The following CELF2 variants were observed in gnomAD, a reference collection of about 807,000 sequenced individuals.
The protein encoded by CELF2 is CUGBP Elav-like family member 2, also known as CUG triplet repeat RNA-binding protein 2.
CELF2 carries 8 observed loss-of-function variants against 62.6 expected under a neutral mutation model. The observed-to-expected ratio is 0.13, with a 90% CI of 0.07 to 0.23. The LOEUF is 0.23. Among genes scored for constraint, CELF2 ranks in the 10% least tolerant of loss-of-function variants. CELF2 has a pLI of 1.00. For synonymous variants in CELF2, 258 were observed against 250.0 expected, an observed-to-expected ratio of 1.03 and a Z score of -0.30; for missense variants, 333 against 671.0, an observed-to-expected ratio of 0.50 and a Z score of 5.56.
intron 1 of CELF2, among the ~76,000 whole-genome samples, chr10:10,866,590 GC>G (rs1487209353): frequency 8.5e-6 from 1 of 117,812 alleles, no homozygotes; most frequent in Non-Finnish European, 1.6e-5. Flanking sequence ...GGGTGACAGA[GC>G]AAGACTCCAT....
At chr10:10,935,466 ATAAC>A (rs1240759981) in intron 2 of CELF2, 1 of 152,234 alleles carries the variant, frequency 6.6e-6, no homozygotes, top group Non-Finnish European at 1.5e-5. Flanking sequence ...AAACTTAGGC[ATAAC>A]AGGTAAGGGA....
Position 11,165,540 on chromosome 10 carries a change from C to T in CELF2, c.129C>T (p.Asp43=), listed in dbSNP as rs760212523. The T allele has an allele frequency of 2.3e-5, 37 of 1,614,094 alleles. No homozygotes were observed. Among genetic ancestry groups the T allele is most frequent in the Non-Finnish European group, 3.1e-5 (36 of 1,180,054 alleles). The change falls in exon 2 of 13, where the codon GAC becomes GAT. Residue 43 remains aspartate, a synonymous_variant. Transcript: ENST00000633077. The surrounding 1 kb of genome is among the most constrained non-coding windows in gnomAD (Gnocchi z 7.4). ...CTTTGGATCACTCAGACCAACCAGA[C>T]CCAGATGCCATTAAGATGTTTGTCG... ...NGALDHSDQP[D]PDAIKMFVGQ...
chr10:11,207,417 C>T lies in CELF2; in HGVS notation c.272-10008C>T, dbSNP rs1340438623. Among the ~76,000 whole-genome samples the T allele has an allele frequency of 1.3e-5, 2 of 152,128 alleles. No homozygotes were observed. Among genetic ancestry groups the T allele is most frequent in the African/African-American group, 2.4e-5 (1 of 41,414 alleles). On this transcript the variant is annotated intron_variant, in intron 2 of 12. Coordinates refer to ENST00000633077, the MANE Select transcript of CELF2 (RefSeq NM_001326342.2). The surrounding 1 kb of genome is among the most constrained non-coding windows in gnomAD (Gnocchi z 4.1). ...CCAGTTGACAGAAAGTTGGTCCTAG[C>T]GTGTCAAATGGAGAGTTGGAGGGAA...
chr10:10,907,325 T>C (rs137944587), intron 1 of CELF2, among the ~76,000 whole-genome samples: 1 of 152,242 alleles, frequency 6.6e-6, no homozygotes. Flanking sequence ...AAATGAAAAT[T>C]GTTCCAGAAG....
At chr10:10,636,663 A>C in the CELF2 span, among the ~76,000 whole-genome samples, 1 of 152,186 alleles carries the variant, frequency 6.6e-6, no homozygotes, top group African/African-American at 2.4e-5. Context: ...GATGCCCAAT[A>C]GTCAGTTTCT....
At chr10:10,537,192 TG>T in the CELF2 span, among the ~76,000 whole-genome samples, 4 of 152,060 alleles carry the variant, frequency 2.6e-5, no homozygotes, top group Non-Finnish European at 5.9e-5. Flanking sequence ...TTAAGAGACT[TG>T]AGACTTAGCT....
the CELF2 span, among the ~76,000 whole-genome samples, chr10:10,471,913 T>C: frequency 2.0e-5 from 3 of 151,860 alleles, no homozygotes; most frequent in African/African-American, 7.2e-5. Flanking sequence ...AGCCATTTGC[T>C]TTGTCATTCC....
intron 1 of CELF2, among the ~76,000 whole-genome samples, chr10:11,136,532 A>G (rs2060462385): frequency 6.6e-6 from 1 of 152,184 alleles, no homozygotes. Flanking sequence ...TTAACCTGGG[A>G]GGCGGAGGTT....
the CELF2 span, among the ~76,000 whole-genome samples, chr10:10,477,510 G>T: frequency 6.6e-6 from 1 of 152,130 alleles, no homozygotes; most frequent in Non-Finnish European, 1.5e-5. Context: ...GAATTTTGAA[G>T]CTAACCCCCT....
chr10:10,697,945 A>G, the CELF2 span, among the ~76,000 whole-genome samples: 1 of 152,136 alleles, frequency 6.6e-6, no homozygotes, highest in Non-Finnish European at 1.5e-5. Flanking sequence ...GGCATGTGCC[A>G]CTACTCCCAG....
upstream of CELF2, chr10:10,798,583 G>A (rs1349012155): frequency 1.0e-5 from 4 of 393,606 alleles, no homozygotes; most frequent in Non-Finnish European, 1.8e-5. Flanking sequence ...GGTGTGGGAC[G>A]GAGGAGAGCG....
the CELF2 span, among the ~76,000 whole-genome samples, chr10:10,506,928 G>T: frequency 2.0e-5 from 3 of 151,978 alleles, no homozygotes; most frequent in Non-Finnish European, 2.9e-5. Context: ...GCCTCCCAAA[G>T]TGCTGAGATT....
intron 1 of CELF2, among the ~76,000 whole-genome samples, chr10:10,888,661 G>A (rs1471702626): frequency 1.3e-5 from 2 of 152,140 alleles, no homozygotes; most frequent in African/African-American, 4.8e-5. Flanking sequence ...CCAGGCTTGA[G>A]CAGTGTTTTC....
At chr10:10,621,369 A>G in the CELF2 span, among the ~76,000 whole-genome samples, 1 of 152,102 alleles carries the variant, frequency 6.6e-6, no homozygotes, top group African/African-American at 2.4e-5. Flanking sequence ...TAGTTTGTTC[A>G]TGAAGCTTTT....
At chr10:11,288,614 G>C in intron 9 of CELF2, 62 bp downstream of exon 9, 1 of 1,575,910 alleles carries the variant, frequency 6.3e-7, no homozygotes, top group Non-Finnish European at 8.6e-7. Flanking sequence ...GTAGGTTTCC[G>C]TGCCTCCAGG....
At chr10:11,099,857 GTTTCTACA>G (rs2050947149) in intron 1 of CELF2, among the ~76,000 whole-genome samples, 1 of 137,654 alleles carries the variant, frequency 7.3e-6, no homozygotes, top group South Asian at 2.4e-4. Context: ...GAAACTCCTT[GTTTCTACA>G]TTAAAACAAC....
At position 10,990,768 on chromosome 10, in the gene CELF2, C is replaced by T. The variant is rs1475127393; in HGVS notation, c.89+70769C>T. 6.6e-6 allele frequency among the ~76,000 whole-genome samples: 1 copy of T among 152,086 alleles called. No individual in the cohort carries two copies. The highest frequency in any genetic ancestry group is 1.5e-5 in the Non-Finnish European group (1 of 68,016). Reference sequence around the variant, plus strand: ...CCTGAGATAGCCAGGAAAGAGGATTCAATAAGATGCTCAGAAATGTACCAA... The same window carrying T: ...CCTGAGATAGCCAGGAAAGAGGATTTAATAAGATGCTCAGAAATGTACCAA... On this transcript the variant is annotated intron_variant, in intron 2 of 13. Coordinates refer to the CELF2 transcript ENST00000636488. The surrounding 1 kb of genome is among the most constrained non-coding windows in gnomAD (Gnocchi z 4.6).
chr10:10,639,273 G>T, the CELF2 span, among the ~76,000 whole-genome samples: 1 of 152,126 alleles, frequency 6.6e-6, no homozygotes, highest in Admixed American at 6.6e-5. Context: ...ATGGCTTATG[G>T]TGCTATCAAT....
chr10:11,222,972 T>G (rs1176057593), intron 3 of CELF2, among the ~76,000 whole-genome samples: 1 of 152,196 alleles, frequency 6.6e-6, no homozygotes, highest in Non-Finnish European at 1.5e-5. Context: ...TCAGTCCAAA[T>G]AAATGGAGGA....
Sources: allele counts gnomAD v4.1 joint callset (sites outside exome capture counted in the v4.1 genomes callset), GRCh38; gene constraint gnomAD v4.1.1; non-coding constraint Gnocchi (gnomAD v3.1); transcripts MANE v1.5; gene names NCBI Gene and HGNC (gene_info 2026-07-23, HGNC 2026-07-21).